Variants in CD109 observed in about 807,000 individuals in gnomAD.
CD109 encodes the protein CD109 molecule.
Under a neutral mutation model 165.8 loss-of-function variants are expected in CD109, and 149 were observed. The observed-to-expected ratio is 0.90, with a 90% CI of 0.79 to 1.03. The LOEUF is 1.03. CD109 is among the 50% of genes least tolerant of loss of function. The pLI is 0.00. For synonymous variants in CD109, 585 were observed against 592.1 expected, an observed-to-expected ratio of 0.99 and a Z score of 0.18; for missense variants, 1,712 against 1,677.8, an observed-to-expected ratio of 1.02 and a Z score of -0.36.
At chr6:73,781,380 T>A in intron 17 of CD109, 61 bp downstream of exon 17, 1 of 1,319,958 alleles carries the variant, frequency 7.6e-7, no homozygotes, top group Admixed American at 1.7e-5. Flanking sequence ...ACATTACTTA[T>A]ATAGGTATGG....
chr6:73,772,337 C>A (rs148685603), intron 15 of CD109, among the ~76,000 whole-genome samples: 8 of 151,822 alleles, frequency 5.3e-5, no homozygotes, highest in African/African-American at 1.5e-4. Context: ...AACCCCATCT[C>A]TACTAAAAAT....
intron 2 of CD109, among the ~76,000 whole-genome samples, chr6:73,718,206 T>C (rs2150163722): frequency 6.6e-6 from 1 of 152,258 alleles, no homozygotes; most frequent in African/African-American, 2.4e-5. Context: ...AAAAATAATT[T>C]GACTTCTTCC....
chr6:73,722,972 A>T (rs1037977665), intron 2 of CD109, among the ~76,000 whole-genome samples: 26 of 152,372 alleles, frequency 1.7e-4, no homozygotes, highest in African/African-American at 5.8e-4. Flanking sequence ...CAGCAGCAAC[A>T]ACGACAACAA....
chr6:73,725,146 A>G (rs888602050), intron 3 of CD109, among the ~76,000 whole-genome samples: 7 of 152,226 alleles, frequency 4.6e-5, no homozygotes, highest in African/African-American at 1.4e-4. Flanking sequence ...AAACCCTGCA[A>G]TCTTTGTGGC....
chr6:73,808,808 GTGT>G (rs1459948598), intron 26 of CD109, among the ~76,000 whole-genome samples: 30 of 1,548 alleles, frequency 0.019, no homozygotes, highest in Non-Finnish European at 0.062. Context: ...GGATCCAGGT[GTGT>G]GTGTGTGTGT....
chr6:73,712,170 C>T (rs1294477318), intron 2 of CD109, among the ~76,000 whole-genome samples: 1 of 151,866 alleles, frequency 6.6e-6, no homozygotes, highest in Non-Finnish European at 1.5e-5. Flanking sequence ...GATCATGCCA[C>T]TGCACTCCAG....
chr6:73,687,113 C>T, the CD109 span, among the ~76,000 whole-genome samples: 1 of 152,198 alleles, frequency 6.6e-6, no homozygotes, highest in African/African-American at 2.4e-5. Flanking sequence ...TCTATTAATT[C>T]ACAAAGAGTA....
chr6:73,736,679 C>G (rs1258368936), intron 5 of CD109, among the ~76,000 whole-genome samples, 171 bp downstream of exon 5: 1 of 152,070 alleles, frequency 6.6e-6, no homozygotes, highest in Non-Finnish European at 1.5e-5. Flanking sequence ...GTTTATTTAG[C>G]TTTCATTCTA....
chr6:73,692,622 G>T (rs1289093376), upstream of CD109, among the ~76,000 whole-genome samples: 1 of 152,006 alleles, frequency 6.6e-6, no homozygotes, highest in Non-Finnish European at 1.5e-5. Context: ...CCTCTGATAT[G>T]GTTTGGCTGT....
In CD109 at chr6:73,787,286, A is replaced by G. The variant is rs2351528; in HGVS notation, c.2390A>G (p.Asn797Ser). The change falls in exon 21 of 33, where the codon AAT becomes AGT. Residue 797 changes from asparagine (N) to serine (S), a missense_variant. Physicochemically the swap from Asn to Ser is conservative, Grantham distance 46. Transcript: ENST00000287097. ...AAATTTGATATTCTAATGACTTCAA[A>G]TGAAATAAATGCCACAGGCCACCAG... ...SDKFDILMTSNEINATGHQQT... is the reference protein window; with the variant it reads ...SDKFDILMTSSEINATGHQQT... The G allele has an allele frequency of 0.36, 578,375 of 1,611,716 alleles. 105,545 individuals carry two copies. The highest frequency in any genetic ancestry group is 0.47 in the African/African-American group (35,248 of 74,832).
intron 29 of CD109, among the ~76,000 whole-genome samples, chr6:73,813,483 C>A (rs1315162294): frequency 1.3e-5 from 2 of 152,042 alleles, no homozygotes; most frequent in Non-Finnish European, 2.9e-5. Context: ...GTTCATCAAT[C>A]CCATGTTGGT....
chr6:73,707,993 TATATATATATATA>T (rs1771359223), intron 2 of CD109, among the ~76,000 whole-genome samples: 2 of 73,802 alleles, frequency 2.7e-5, no homozygotes, highest in Non-Finnish European at 5.9e-5. Flanking sequence ...TATATATATA[TATATATATATATA>T]TATTTATTAT....
intron 27 of CD109, among the ~76,000 whole-genome samples, chr6:73,810,469 C>A (rs1182448655): frequency 1.3e-5 from 2 of 151,726 alleles, no homozygotes; most frequent in African/African-American, 4.8e-5. Flanking sequence ...CCCCATCTGC[C>A]ACTTTTCATC....
intron 6 of CD109, among the ~76,000 whole-genome samples, chr6:73,757,434 G>A (rs866531859): frequency 2.0e-5 from 3 of 152,040 alleles, no homozygotes; most frequent in Non-Finnish European, 4.4e-5. Flanking sequence ...TATTTTATGG[G>A]CATGAAAATT....
Position 73,784,766 on chromosome 6 carries a change from A to G in CD109, c.2224-598A>G, listed in dbSNP as rs1047191816. On this transcript the variant is annotated intron_variant, in intron 19 of 32. Transcript: ENST00000287097. ...AAGCACATGTATTCAGATGTCCCAC[A>G]CATTTTCTCATCTGTATGTAAAAAT... is the stretch of plus-strand genomic sequence containing the variant. 5.3e-5 allele frequency among the ~76,000 whole-genome samples: 8 copies of G among 152,220 alleles called. 1 individual carries two copies. Among genetic ancestry groups the G allele is most frequent in the Admixed American group, 5.2e-4 (8 of 15,286 alleles).
chr6:73,763,361 C>T (rs948467478), intron 9 of CD109, among the ~76,000 whole-genome samples: 6 of 152,090 alleles, frequency 3.9e-5, no homozygotes, highest in Non-Finnish European at 8.8e-5. Context: ...CATGTCACTG[C>T]GGTAGAATGG....
intron 24 of CD109, among the ~76,000 whole-genome samples, chr6:73,806,076 G>A (rs1454185053): frequency 9.2e-5 from 14 of 152,016 alleles, no homozygotes; most frequent in Non-Finnish European, 1.2e-4. Context: ...TGTTTATTGC[G>A]GCACTATTCA....
At chr6:73,759,796 G>A (rs917459523) in intron 7 of CD109, among the ~76,000 whole-genome samples, 5 of 151,988 alleles carry the variant, frequency 3.3e-5, no homozygotes, top group South Asian at 2.1e-4. Context: ...GTCAGGTTTC[G>A]AAGACTCTTG....
At chr6:73,811,493 A>G (rs1164748231) in intron 28 of CD109, among the ~76,000 whole-genome samples, 2 of 152,150 alleles carry the variant, frequency 1.3e-5, no homozygotes, top group Admixed American at 6.6e-5. Context: ...AAGTACATCT[A>G]TCCCCATCAT....
Sources: allele counts gnomAD v4.1 joint callset (sites outside exome capture counted in the v4.1 genomes callset), GRCh38; gene constraint gnomAD v4.1.1; transcripts MANE v1.5; gene names NCBI Gene and HGNC (gene_info 2026-07-23, HGNC 2026-07-21).